LRRIQ3: variants seen among roughly 807,000 people sequenced by gnomAD.
The protein encoded by LRRIQ3 is leucine rich repeats and IQ motif containing 3.
LRRIQ3 carries 75 observed loss-of-function variants against 59.3 expected under a neutral mutation model. The observed-to-expected ratio is 1.26, with a 90% CI of 1.05 to 1.53. LRRIQ3 has a LOEUF of 1.53. LRRIQ3 is among the 40% of genes most tolerant of loss of function. LRRIQ3 has a pLI of 0.00. For missense variants in LRRIQ3, 831 were observed against 710.0 expected (o/e 1.17, Z -1.94); for synonymous variants, 250 against 231.3 (o/e 1.08, Z -0.73).
chr1:74,171,299 A>G (rs1276731967), intron 3 of LRRIQ3, among the ~76,000 whole-genome samples: 2 of 152,104 alleles, frequency 1.3e-5, no homozygotes, highest in African/African-American at 2.4e-5. Context: ...TAGTCCTTAT[A>G]TTGCATTGAG....
At chr1:74,089,053 C>G (rs1646365686) in intron 5 of LRRIQ3, among the ~76,000 whole-genome samples, 1 of 152,032 alleles carries the variant, frequency 6.6e-6, no homozygotes, top group East Asian at 1.9e-4. Flanking sequence ...AATAAATACA[C>G]AAAAAGATGC....
rs148208743 is a variant in LRRIQ3 at position 74,112,907 on chromosome 1, T to C, written c.708-3354A>G. Among the ~76,000 whole-genome samples the C allele has an allele frequency of 2.9e-3, 446 of 152,134 alleles. 1 individual carries two copies. The highest frequency in any genetic ancestry group is 0.01 in the African/African-American group (421 of 41,512). The stretch of plus-strand genomic sequence containing the variant: ...AAAATGTCTAATTTTAAACAAAATG[T>C]TATTAGGCAAAGAAACACAAAAATG... On this transcript the variant is annotated intron_variant, in intron 4 of 7. Transcript: ENST00000354431.
At chr1:74,126,076 C>A (rs1185198574) in intron 4 of LRRIQ3, among the ~76,000 whole-genome samples, 1 of 151,762 alleles carries the variant, frequency 6.6e-6, no homozygotes, top group African/African-American at 2.4e-5. Context: ...ACGGTTCAAT[C>A]TTAGTAAGTT....
chr1:74,140,197 T>C (rs1647208018), intron 4 of LRRIQ3, among the ~76,000 whole-genome samples: 1 of 151,732 alleles, frequency 6.6e-6, no homozygotes, highest in Non-Finnish European at 1.5e-5. Flanking sequence ...CAGATAAAGA[T>C]AAATATACAG....
chr1:74,164,807 C>T (rs1006899468), intron 3 of LRRIQ3, among the ~76,000 whole-genome samples: 1 of 151,452 alleles, frequency 6.6e-6, no homozygotes, highest in African/African-American at 2.4e-5. Flanking sequence ...AACTGCTTGA[C>T]CTATTTTGAG....
intron 7 of LRRIQ3, among the ~76,000 whole-genome samples, chr1:74,034,071 CT>C (rs1009168231): frequency 1.3e-5 from 2 of 151,900 alleles, no homozygotes; most frequent in Non-Finnish European, 2.9e-5. Flanking sequence ...TATGGTTCCC[CT>C]TTTTTCTTTT....
chr1:74,097,229 G>A (rs1477650317), intron 5 of LRRIQ3, among the ~76,000 whole-genome samples: 3 of 152,122 alleles, frequency 2.0e-5, no homozygotes, highest in Non-Finnish European at 4.4e-5. Flanking sequence ...ACCTGATGGA[G>A]CTGAAAACCA....
intron 6 of LRRIQ3, among the ~76,000 whole-genome samples, chr1:74,071,020 CAT>C (rs34448621): frequency 0.38 from 56,452 of 147,564 alleles, 12,071 homozygotes; most frequent in East Asian, 0.77. Flanking sequence ...GCTATATATA[CAT>C]ATATATATAT....
chr1:74,167,491 A>T (rs1394925919), intron 3 of LRRIQ3, among the ~76,000 whole-genome samples: 1 of 151,888 alleles, frequency 6.6e-6, no homozygotes, highest in Admixed American at 6.6e-5. Flanking sequence ...AAACCTGCAC[A>T]TCCTGCACAT....
chr1:74,113,640 A>C (rs1409854413), intron 4 of LRRIQ3, among the ~76,000 whole-genome samples: 1 of 152,110 alleles, frequency 6.6e-6, no homozygotes, highest in Admixed American at 6.6e-5. Flanking sequence ...TGAGAGAAGA[A>C]AAAGAAGAAA....
intron 1 of LRRIQ3, among the ~76,000 whole-genome samples, chr1:74,189,500 G>A (rs1570284858): frequency 6.6e-6 from 1 of 152,200 alleles, no homozygotes; most frequent in East Asian, 1.9e-4. Flanking sequence ...ATTTTTATGA[G>A]GACGAAATAA....
intron 4 of LRRIQ3, among the ~76,000 whole-genome samples, chr1:74,143,317 T>A (rs1200065277): frequency 6.6e-6 from 1 of 151,962 alleles, no homozygotes; most frequent in Non-Finnish European, 1.5e-5. Flanking sequence ...TAGTTTTTGG[T>A]TGACAAATAG....
intron 3 of LRRIQ3, among the ~76,000 whole-genome samples, chr1:74,176,120 T>C (rs1358128877): frequency 6.6e-6 from 1 of 152,182 alleles, no homozygotes; most frequent in Non-Finnish European, 1.5e-5. Context: ...TGTAGAGCGC[T>C]TCCTTTAGCT....
At chr1:74,103,036 T>C (rs1282520024) in intron 5 of LRRIQ3, among the ~76,000 whole-genome samples, 1 of 151,984 alleles carries the variant, frequency 6.6e-6, no homozygotes, top group Non-Finnish European at 1.5e-5. Context: ...ATCTTCTCTA[T>C]AGATTCTTCT....
intron 5 of LRRIQ3, among the ~76,000 whole-genome samples, chr1:74,092,720 T>C (rs568632339): frequency 2.6e-5 from 4 of 152,166 alleles, no homozygotes; most frequent in Admixed American, 2.6e-4. Context: ...ATAAGGCAGG[T>C]ACTCTTTGAA....
chr1:74,131,762 C>T (rs1647023905), intron 4 of LRRIQ3, among the ~76,000 whole-genome samples: 1 of 152,092 alleles, frequency 6.6e-6, no homozygotes, highest in Admixed American at 6.6e-5. Context: ...AAACCCACAG[C>T]CAATATCATA....
chr1:74,184,448 T>G (rs1030937492), intron 1 of LRRIQ3, among the ~76,000 whole-genome samples: 1 of 152,148 alleles, frequency 6.6e-6, no homozygotes, highest in African/African-American at 2.4e-5. Flanking sequence ...AGTGGTCTAT[T>G]TGGAAGTATG....
At chr1:74,082,359 T>G (rs1398983923) in intron 5 of LRRIQ3, 1 of 151,570 alleles carries the variant, frequency 6.6e-6, no homozygotes, top group Non-Finnish European at 1.5e-5. Flanking sequence ...ATCATTTTAA[T>G]GAAAGAGACA....
At chr1:74,176,337 T>C (rs993089512) in intron 3 of LRRIQ3, among the ~76,000 whole-genome samples, 1 of 152,172 alleles carries the variant, frequency 6.6e-6, no homozygotes, top group Non-Finnish European at 1.5e-5. Context: ...GTCACTCTCA[T>C]TGTTTTTCAC....
Sources: allele counts gnomAD v4.1 joint callset (sites outside exome capture counted in the v4.1 genomes callset), GRCh38; gene constraint gnomAD v4.1.1; transcripts MANE v1.5; gene names NCBI Gene and HGNC (gene_info 2026-07-23, HGNC 2026-07-21).